The following STMND1 variants were observed in gnomAD, a reference collection of about 807,000 sequenced individuals.
STMND1 encodes stathmin domain-containing protein 1.
In STMND1, 17 loss-of-function variants were observed where a neutral mutation model predicts 23.0. The observed-to-expected ratio is 0.74, with a 90% CI of 0.51 to 1.11. The LOEUF (loss-of-function observed/expected upper bound fraction) is 1.11. Ranked by LOEUF, STMND1 falls within the 50% of genes least tolerant of loss-of-function variation. STMND1 has a pLI of 0.00. For synonymous variants in STMND1, 114 were observed against 119.9 expected (o/e 0.95, Z 0.32); for missense variants, 305 against 329.1 (o/e 0.93, Z 0.57).
In STMND1 at chr6:17,112,485, T is replaced by G. The variant is rs116238801; in HGVS notation, c.82-2477T>G. 2.6e-3 allele frequency among the ~76,000 whole-genome samples: 400 copies of G among 152,158 alleles called. 2 individuals are homozygous for G. Among genetic ancestry groups the G allele is most frequent in the African/African-American group, 9.2e-3 (382 of 41,528 alleles). On this transcript the variant is annotated intron_variant, in intron 1 of 4. Coordinates refer to ENST00000536551, the MANE Select transcript of STMND1 (RefSeq NM_001190766.2). ...TTTTGCTTGGGTACATACTTAGGGGTGAAATTTCTGGGCCAGGCATGATGG... is the reference window on the plus strand; with the variant it reads ...TTTTGCTTGGGTACATACTTAGGGGGGAAATTTCTGGGCCAGGCATGATGG...
chr6:17,102,169 G>A lies in STMND1; in HGVS notation c.-89G>A. The A allele has an allele frequency of 7.6e-7, 1 of 1,323,404 alleles. No homozygotes were observed. Among genetic ancestry groups the A allele is most frequent in the Non-Finnish European group, 9.8e-7 (1 of 1,019,904 alleles). 82.0% of individuals were successfully genotyped at this position (1,323,404 alleles called of 1,614,324 possible). A position where few individuals can be genotyped will look rare whatever the true frequency, so the allele number is the denominator to read the frequency against. ...GGCGTAGGGCGCAGGGCGCAGGAGC[G>A]CGGGACCACCGGCGCCGGAGCGCGG... On this transcript the variant is annotated 5_prime_UTR_variant, in exon 1 of 5. Coordinates refer to ENST00000536551, the MANE Select transcript of STMND1 (RefSeq NM_001190766.2).
intron 1 of STMND1, among the ~76,000 whole-genome samples, chr6:17,114,081 C>G (rs1377378596): frequency 1.3e-5 from 2 of 152,070 alleles, no homozygotes; most frequent in Non-Finnish European, 2.9e-5. Context: ...CAGGATGACT[C>G]TACAGCATTA....
chr6:17,115,298 C>A (rs147848027), intron 2 of STMND1, among the ~76,000 whole-genome samples, 159 bp downstream of exon 2: 2 of 150,428 alleles, frequency 1.3e-5, no homozygotes, highest in African/African-American at 2.4e-5. Flanking sequence ...AGAATTTAGC[C>A]TTAGGCCTTC....
At chr6:17,127,624 C>T (rs1581375175) in intron 3 of STMND1, among the ~76,000 whole-genome samples, 1 of 152,192 alleles carries the variant, frequency 6.6e-6, no homozygotes, top group Non-Finnish European at 1.5e-5. Context: ...GACTAAGTCT[C>T]CGTCTGGTGC....
intron 1 of STMND1, among the ~76,000 whole-genome samples, chr6:17,104,219 T>A (rs1020414835): frequency 6.6e-6 from 1 of 152,210 alleles, no homozygotes; most frequent in African/African-American, 2.4e-5. Context: ...TTTGGACTAA[T>A]ACGTAGAAAT....
intron 2 of STMND1, among the ~76,000 whole-genome samples, chr6:17,118,921 G>T (rs941402668): frequency 2.6e-5 from 4 of 152,098 alleles, no homozygotes; most frequent in Admixed American, 2.6e-4. Context: ...TGCATTTGAC[G>T]TCATACAGCG....
chr6:17,102,231 C>G lies in STMND1; in HGVS notation c.-27C>G. 6.6e-7 allele frequency: 1 copy of G among 1,517,542 alleles called. No individual in the cohort carries two copies. The highest frequency in any genetic ancestry group is 8.8e-7 in the Non-Finnish European group (1 of 1,139,266). 94.0% of individuals were successfully genotyped at this position (1,517,542 alleles called of 1,614,324 possible). ...CGCGGGGGCGCACAGCAGCCAAGCC[C>G]GCGGAGGAGGAGCGCGCGCGCGCAG... On this transcript the variant is annotated 5_prime_UTR_variant, in exon 1 of 5. Transcript: ENST00000536551.
intron 1 of STMND1, among the ~76,000 whole-genome samples, chr6:17,105,572 G>A (rs1581364975): frequency 6.6e-6 from 1 of 152,082 alleles, no homozygotes; most frequent in East Asian, 1.9e-4. Flanking sequence ...TTGAACCTGG[G>A]AGGCGGAGAT....
chr6:17,115,216 G>C, intron 2 of STMND1, 77 bp downstream of exon 2: 1 of 1,379,056 alleles, frequency 7.3e-7, no homozygotes, highest in South Asian at 1.5e-5. Flanking sequence ...AGGTTTCTTT[G>C]GTGGTCCTTT....
At chr6:17,110,655 C>T (rs1420566669) in intron 1 of STMND1, 2 of 353,714 alleles carry the variant, frequency 5.7e-6, no homozygotes, top group Non-Finnish European at 1.1e-5. Flanking sequence ...GTAACCTCAG[C>T]TACTCAGAAG....
chr6:17,123,850 T>C (rs1761262102), intron 3 of STMND1, among the ~76,000 whole-genome samples: 1 of 152,180 alleles, frequency 6.6e-6, no homozygotes, highest in Admixed American at 6.5e-5. Context: ...ATAAAACTTC[T>C]TTCAATTCAG....
chr6:17,125,897 T>C (rs990594950), intron 3 of STMND1, among the ~76,000 whole-genome samples: 1 of 151,540 alleles, frequency 6.6e-6, no homozygotes, highest in African/African-American at 2.4e-5. Context: ...ATTGCAGCAT[T>C]TTGAACTTGG....
chr6:17,114,872 G>A, intron 1 of STMND1, 90 bp from the exon 2 acceptor site: 1 of 1,347,718 alleles, frequency 7.4e-7, no homozygotes, highest in South Asian at 1.5e-5. Context: ...ACAGATACTA[G>A]CTGGCTAAAT....
intron 1 of STMND1, among the ~76,000 whole-genome samples, chr6:17,106,135 C>T (rs1761021825): frequency 6.6e-6 from 1 of 152,032 alleles, no homozygotes; most frequent in Non-Finnish European, 1.5e-5. Context: ...TTCCTTCTCC[C>T]TCTCCGGGGT....
intron 4 of STMND1, 73 bp from the exon 5 acceptor site, chr6:17,130,521 A>G: frequency 1.0e-5 from 12 of 1,193,636 alleles, no homozygotes; most frequent in Non-Finnish European, 1.4e-5. Context: ...TGAATGTTCA[A>G]TACAAGCAAC....
chr6:17,122,353 G>A (rs932265303), intron 3 of STMND1, among the ~76,000 whole-genome samples: 22 of 151,842 alleles, frequency 1.4e-4, no homozygotes, highest in Admixed American at 9.2e-4. Context: ...ACAATGAAAA[G>A]AAGCCAGAGA....
intron 3 of STMND1, 22 bp from the exon 4 acceptor site, chr6:17,129,090 G>A (rs1761349005): frequency 6.5e-7 from 1 of 1,533,038 alleles, no homozygotes; most frequent in East Asian, 2.4e-5. Context: ...GTTTCTTCAT[G>A]TAAAAAGATG....
chr6:17,120,780 A>G (rs1243970462), intron 3 of STMND1, 22 bp downstream of exon 3: 19 of 1,499,824 alleles, frequency 1.3e-5, no homozygotes, highest in Non-Finnish European at 1.6e-5. Flanking sequence ...TGTAATTAAC[A>G]TTAGCTTATA....
rs1432959403 is a variant in STMND1, at chr6:17,117,539, A to C, written c.259+2400A>C. 2.0e-5 allele frequency among the ~76,000 whole-genome samples: 3 copies of C among 152,214 alleles called. No individual in the cohort carries two copies. In the East Asian group the frequency reaches 5.8e-4, roughly 29 times the overall value. On this transcript the variant is annotated intron_variant, in intron 2 of 4. Transcript: ENST00000536551. ...TGGTCTTTAGTCTTCTTTAATCTGA[A>C]CAACTCCTCAGCTTTTCTTAGTCTT...
Sources: gnomAD v4.1 joint callset for allele counts (sites outside exome capture counted in the v4.1 genomes callset) on GRCh38, gnomAD v4.1.1 for gene constraint, MANE v1.5 for transcripts, NCBI Gene and HGNC (gene_info 2026-07-23, HGNC 2026-07-21) for gene names.